The following DNER variants were observed in gnomAD, a reference collection of about 807,000 sequenced individuals.
DNER encodes the protein delta and Notch-like epidermal growth factor-related receptor.
In DNER, 33 loss-of-function variants were observed where a neutral mutation model predicts 78.2. The observed-to-expected ratio is 0.42, with a 90% CI of 0.32 to 0.56. DNER has a LOEUF of 0.56. Ranked by LOEUF, DNER falls within the 20% of genes least tolerant of loss-of-function variation. DNER has a pLI of 0.11. For synonymous variants in DNER, 417 were observed against 384.8 expected (o/e 1.08, Z -0.98); for missense variants, 918 against 975.3 (o/e 0.94, Z 0.78).
chr2:229,640,165 C>T (rs1311803530), intron 1 of DNER, among the ~76,000 whole-genome samples: 1 of 152,180 alleles, frequency 6.6e-6, no homozygotes, highest in Non-Finnish European at 1.5e-5. Context: ...AAAACAAAAA[C>T]AACTATAAAA....
intron 4 of DNER, among the ~76,000 whole-genome samples, chr2:229,584,893 CAAAAAAA>C (rs112680143): frequency 1.6e-5 from 1 of 60,824 alleles, no homozygotes; most frequent in Non-Finnish European, 3.5e-5. Flanking sequence ...GAGATCGTCC[CAAAAAAA>C]AAAAAAAAAA....
intron 1 of DNER, among the ~76,000 whole-genome samples, chr2:229,601,100 G>A (rs911851017): frequency 5.3e-5 from 8 of 152,220 alleles, no homozygotes; most frequent in African/African-American, 1.9e-4. Context: ...GTAAAAGGAA[G>A]GGATGGGACT....
intron 4 of DNER, among the ~76,000 whole-genome samples, chr2:229,551,606 C>A (rs1247515578): frequency 6.6e-6 from 1 of 151,720 alleles, no homozygotes; most frequent in African/African-American, 2.4e-5. Flanking sequence ...TGCACTCCAG[C>A]CTGGGCAACA....
rs1048963803 is a variant in DNER at position 229,449,885 on chromosome 2, G to A, written c.1262-2345C>T. Among the ~76,000 whole-genome samples the A allele has an allele frequency of 1.1e-4, 16 of 152,310 alleles. No individual in the cohort carries two copies. The South Asian group carries it at 1.2e-3, about 12-fold the overall frequency. On this transcript the variant is annotated intron_variant, in intron 7 of 12. Coordinates refer to ENST00000341772, the MANE Select transcript of DNER (RefSeq NM_139072.4). Reference sequence around the variant, plus strand: ...TGCAACCTCTGCCTTCGGGTCAAGCGATTCTCCTGCCTCAGCCTCCTGAGT... The same window carrying A: ...TGCAACCTCTGCCTTCGGGTCAAGCAATTCTCCTGCCTCAGCCTCCTGAGT...
chr2:229,362,472 C>T (rs1692239592), intron 12 of DNER, among the ~76,000 whole-genome samples: 1 of 152,216 alleles, frequency 6.6e-6, no homozygotes, highest in Non-Finnish European at 1.5e-5. Flanking sequence ...AAGGCATCAC[C>T]TTCAAATCAG....
At chr2:229,574,470 T>C (rs1368191602) in intron 4 of DNER, among the ~76,000 whole-genome samples, 1 of 152,120 alleles carries the variant, frequency 6.6e-6, no homozygotes, top group Non-Finnish European at 1.5e-5. Context: ...CAGTGAAACA[T>C]TAAATGAAAA....
At chr2:229,582,793 C>T (rs140406531) in intron 4 of DNER, among the ~76,000 whole-genome samples, 2,270 of 152,148 alleles carry the variant, frequency 0.015, 58 homozygotes, top group African/African-American at 0.052. Context: ...GTGCCCATCA[C>T]CACGCCCGGC....
intron 6 of DNER, among the ~76,000 whole-genome samples, chr2:229,505,000 C>T (rs1695705507): frequency 6.6e-6 from 1 of 152,188 alleles, no homozygotes; most frequent in Non-Finnish European, 1.5e-5. Flanking sequence ...CCAGCCGTCC[C>T]TTTGCCTTCA....
chr2:229,586,240 T>G (rs530336798), intron 3 of DNER, among the ~76,000 whole-genome samples: 1 of 152,182 alleles, frequency 6.6e-6, no homozygotes, highest in African/African-American at 2.4e-5. Flanking sequence ...TAACTCACCT[T>G]TGAGTAACCA....
chr2:229,677,686 T>C (rs1224919558), intron 1 of DNER, among the ~76,000 whole-genome samples: 1 of 152,236 alleles, frequency 6.6e-6, no homozygotes, highest in Non-Finnish European at 1.5e-5. Context: ...TGAAGCATGA[T>C]GTAAGTTTCA....
intron 6 of DNER, among the ~76,000 whole-genome samples, chr2:229,496,590 C>T (rs1237967651): frequency 2.0e-5 from 3 of 151,716 alleles, no homozygotes; most frequent in African/African-American, 7.3e-5. Context: ...CACATAGATC[C>T]AAAGTAAAGG....
intron 1 of DNER, among the ~76,000 whole-genome samples, chr2:229,651,393 T>C (rs1328316320): frequency 6.6e-6 from 1 of 152,254 alleles, no homozygotes; most frequent in East Asian, 1.9e-4. Context: ...TGTTTTCCTA[T>C]GGTTCTCAGA....
chr2:229,645,467 A>G (rs1157822849), intron 1 of DNER, among the ~76,000 whole-genome samples: 1 of 152,220 alleles, frequency 6.6e-6, no homozygotes, highest in Non-Finnish European at 1.5e-5. Context: ...TGAAGTTCTT[A>G]TGAGCCCTAG....
chr2:229,429,523 T>A (rs78704018), intron 8 of DNER, among the ~76,000 whole-genome samples: 1 of 152,150 alleles, frequency 6.6e-6, no homozygotes, highest in Non-Finnish European at 1.5e-5. Flanking sequence ...ATGTGATGTG[T>A]GGTCACCTGG....
chr2:229,536,806 T>C (rs1466672807), intron 5 of DNER, among the ~76,000 whole-genome samples: 2 of 152,186 alleles, frequency 1.3e-5, no homozygotes, highest in Admixed American at 1.3e-4. Flanking sequence ...GCAAATGAAG[T>C]GTGAAATCGG....
At chr2:229,657,934 A>C (rs954774868) in intron 1 of DNER, among the ~76,000 whole-genome samples, 4 of 152,198 alleles carry the variant, frequency 2.6e-5, no homozygotes, top group African/African-American at 9.7e-5. Context: ...TTAAAAAAAA[A>C]ACTGGTTCTT....
At chr2:229,476,075 G>T (rs896126008) in intron 7 of DNER, among the ~76,000 whole-genome samples, 5 of 152,114 alleles carry the variant, frequency 3.3e-5, no homozygotes, top group African/African-American at 1.2e-4. Flanking sequence ...TGAAGAGCAG[G>T]GCTTGCCAAA....
intron 5 of DNER, among the ~76,000 whole-genome samples, chr2:229,516,386 A>G (rs1305255218): frequency 6.6e-6 from 1 of 152,242 alleles, no homozygotes; most frequent in Non-Finnish European, 1.5e-5. Flanking sequence ...CTGTGATATC[A>G]CTAATCACTA....
intron 1 of DNER, among the ~76,000 whole-genome samples, chr2:229,623,534 G>A (rs1460700632): frequency 6.6e-6 from 1 of 152,174 alleles, no homozygotes; most frequent in African/African-American, 2.4e-5. Flanking sequence ...CTTGTCCTTA[G>A]GGGAGGCCTG....
Sources: allele counts gnomAD v4.1 joint callset (sites outside exome capture counted in the v4.1 genomes callset), GRCh38; gene constraint gnomAD v4.1.1; transcripts MANE v1.5; gene names NCBI Gene and HGNC (gene_info 2026-07-23, HGNC 2026-07-21).